CALN1: variants seen among roughly 807,000 people sequenced by gnomAD.
CALN1 encodes the protein calcium-binding protein 8.
CALN1 carries 17 observed loss-of-function variants against 30.6 expected under a neutral mutation model. That is an observed-to-expected ratio of 0.56 (90% confidence interval 0.38 to 0.83). The LOEUF is 0.83. CALN1 is among the 40% of genes least tolerant of loss of function. The pLI is 0.00. For missense variants in CALN1, 291 were observed against 354.9 expected (o/e 0.82, Z 1.45); for synonymous variants, 156 against 131.4 (o/e 1.19, Z -1.28).
In CALN1 at chr7:72,161,190, G is replaced by T. The variant is rs1788084071; in HGVS notation, c.245-54896C>A. Among the ~76,000 whole-genome samples the T allele has an allele frequency of 3.3e-5, 5 of 152,258 alleles. 1 individual carries two copies. The Middle Eastern group carries it at 0.017, about 518-fold the overall frequency. On this transcript the variant is annotated intron_variant, in intron 3 of 6. Transcript: ENST00000395275. ...ATAAATAAGAGGATGACATAAGGAG[G>T]ATTCCCTGCCTTCACTTGGGAAATC...
intron 2 of CALN1, among the ~76,000 whole-genome samples, chr7:72,397,604 G>T (rs1006973807): frequency 1.3e-5 from 2 of 152,044 alleles, no homozygotes; most frequent in African/African-American, 2.4e-5. Flanking sequence ...ATGGGGCAGA[G>T]ATTTTTACAC....
At chr7:71,840,724 C>A (rs909677625) in intron 5 of CALN1, among the ~76,000 whole-genome samples, 1 of 151,894 alleles carries the variant, frequency 6.6e-6, no homozygotes, top group African/African-American at 2.4e-5. Flanking sequence ...ATGAATAGGA[C>A]AGTTGTGAGG....
chr7:72,428,229 A>C (rs947868888), intron 1 of CALN1, among the ~76,000 whole-genome samples: 8 of 152,184 alleles, frequency 5.3e-5, no homozygotes, highest in Non-Finnish European at 1.2e-4. Flanking sequence ...CTCATATTTG[A>C]CCAGCTCTCC....
At chr7:72,290,730 T>A (rs1381346775) in intron 2 of CALN1, among the ~76,000 whole-genome samples, 1 of 152,186 alleles carries the variant, frequency 6.6e-6, no homozygotes, top group Non-Finnish European at 1.5e-5. Context: ...TCTCCTCAAA[T>A]TATTTGCAAA....
At chr7:72,300,890 G>T (rs766912704) in intron 2 of CALN1, among the ~76,000 whole-genome samples, 3 of 152,142 alleles carry the variant, frequency 2.0e-5, no homozygotes, top group Non-Finnish European at 4.4e-5. Flanking sequence ...CTACTCTGGA[G>T]GCTGAGGCAG....
chr7:71,790,369 AAAGAAAGAAAG>A (rs1364645028), intron 6 of CALN1, among the ~76,000 whole-genome samples: 28 of 20,570 alleles, frequency 1.4e-3, no homozygotes, highest in East Asian at 4.5e-3. Flanking sequence ...GAAAGAAAGA[AAAGAAAGAAAG>A]AAAGAAAGAA....
intron 1 of CALN1, among the ~76,000 whole-genome samples, chr7:72,429,683 C>A (rs1373558898): frequency 4.0e-5 from 6 of 148,314 alleles, no homozygotes; most frequent in Non-Finnish European, 7.4e-5. Context: ...TAGAATATCT[C>A]TATATATATT....
intron 5 of CALN1, among the ~76,000 whole-genome samples, chr7:71,876,582 T>G (rs1046378007): frequency 2.0e-5 from 3 of 152,222 alleles, no homozygotes; most frequent in Non-Finnish European, 2.9e-5. Context: ...TAGAGCTAAC[T>G]TTTATTGATT....
chr7:71,851,248 C>CACACAT (rs2116589858), intron 5 of CALN1, among the ~76,000 whole-genome samples: 1 of 150,278 alleles, frequency 6.7e-6, no homozygotes, highest in East Asian at 1.9e-4. Flanking sequence ...CACACACACA[C>CACACAT]ACACATCACA....
At chr7:72,122,950 A>G (rs1808493495) in intron 3 of CALN1, among the ~76,000 whole-genome samples, 1 of 152,152 alleles carries the variant, frequency 6.6e-6, no homozygotes, top group South Asian at 2.1e-4. Flanking sequence ...CAGCCTTTAA[A>G]TCAGCACCAC....
At position 72,360,314 on chromosome 7, in the gene CALN1, C is replaced by A. The variant is rs114527661; in HGVS notation, c.119+42937G>T. Among the ~76,000 whole-genome samples, 1,052 of 152,072 alleles carry A rather than the reference C, an allele frequency of 6.9e-3. 14 individuals carry two copies. Among genetic ancestry groups the A allele is most frequent in the African/African-American group, 0.024 (1,009 of 41,480 alleles). On this transcript the variant is annotated intron_variant, in intron 2 of 6. Transcript: ENST00000395275. ...TTGTGATGTTTTCCATTTATTTCTACCTAATATTCAAATGGTTCAAGAGAG... is the reference window on the plus strand; with the variant it reads ...TTGTGATGTTTTCCATTTATTTCTAACTAATATTCAAATGGTTCAAGAGAG...
intron 2 of CALN1, among the ~76,000 whole-genome samples, chr7:72,307,279 A>G (rs1799719051): frequency 6.6e-6 from 1 of 152,206 alleles, no homozygotes; most frequent in African/African-American, 2.4e-5. Flanking sequence ...ATGGAAAGCC[A>G]TTTGAAACTT....
At chr7:72,449,592 G>T (rs1395261456), upstream of CALN1, among the ~76,000 whole-genome samples, 1 of 152,184 alleles carries the variant, frequency 6.6e-6, no homozygotes, top group Non-Finnish European at 1.5e-5. Flanking sequence ...CTGCCGTCAG[G>T]CTGGGCGCGG....
chr7:72,395,334 ACACACACACGCTGCGCACGCGCGCG>A (rs1205079081), intron 2 of CALN1, among the ~76,000 whole-genome samples: 1 of 142,002 alleles, frequency 7.0e-6, no homozygotes, highest in Admixed American at 7.1e-5. Context: ...GCAAACACAT[ACACACACACGCTGCGCACGCGCGCG>A]CACACACACA....
chr7:72,311,175 A>T (rs1014231110), intron 2 of CALN1, among the ~76,000 whole-genome samples: 3 of 151,988 alleles, frequency 2.0e-5, no homozygotes, highest in Non-Finnish European at 4.4e-5. Flanking sequence ...CTCTATGATG[A>T]CCTACTTCCA....
At chr7:71,808,663 TA>T (rs1265872106) in intron 6 of CALN1, among the ~76,000 whole-genome samples, 1 of 152,154 alleles carries the variant, frequency 6.6e-6, no homozygotes, top group Non-Finnish European at 1.5e-5. Context: ...CCCAAATTAC[TA>T]AGATCTATGA....
At chr7:72,011,409 C>T (rs968148568) in intron 5 of CALN1, among the ~76,000 whole-genome samples, 3 of 152,036 alleles carry the variant, frequency 2.0e-5, no homozygotes, top group African/African-American at 7.2e-5. Flanking sequence ...CTGAACTCTG[C>T]GCTGTGGGTC....
At chr7:72,376,331 T>C (rs935991485) in intron 2 of CALN1, among the ~76,000 whole-genome samples, 3 of 152,244 alleles carry the variant, frequency 2.0e-5, no homozygotes, top group African/African-American at 7.2e-5. Flanking sequence ...TTTTCCAAAG[T>C]GACATCATTT....
At chr7:72,483,804 C>T in the CALN1 span, among the ~76,000 whole-genome samples, 86 of 152,012 alleles carry the variant, frequency 5.7e-4, no homozygotes, top group Admixed American at 3.4e-3. Context: ...TCTTTTCTCT[C>T]GGTGGTTCAT....
Sources: allele counts gnomAD v4.1 joint callset (sites outside exome capture counted in the v4.1 genomes callset), GRCh38; gene constraint gnomAD v4.1.1; transcripts MANE v1.5; gene names NCBI Gene and HGNC (gene_info 2026-07-23, HGNC 2026-07-21).